CFAP100: variants seen among roughly 807,000 people sequenced by gnomAD.
CFAP100 encodes the protein cilia- and flagella-associated protein 100.
Under a neutral mutation model 81.5 loss-of-function variants are expected in CFAP100, and 70 were observed. The observed-to-expected ratio is 0.86, with a 90% CI of 0.71 to 1.05. The LOEUF (loss-of-function observed/expected upper bound fraction) is 1.05, where lower values mean the gene tolerates loss of function less well. Among genes scored for constraint, CFAP100 ranks in the 50% least tolerant of loss-of-function variants. CFAP100 has a pLI of 0.00. For synonymous variants in CFAP100, 341 were observed against 314.8 expected (o/e 1.08, Z -0.88); for missense variants, 811 against 776.5 (o/e 1.04, Z -0.53).
At chr3:126,404,320 G>A (rs987697633) in intron 2 of CFAP100, among the ~76,000 whole-genome samples, 3 of 152,198 alleles carry the variant, frequency 2.0e-5, no homozygotes, top group Non-Finnish European at 4.4e-5. Flanking sequence ...TTGAGGAGAA[G>A]TACAGGCCAC....
chr3:126,430,001 T>C (rs1330847458), intron 13 of CFAP100, among the ~76,000 whole-genome samples: 1 of 152,226 alleles, frequency 6.6e-6, no homozygotes, highest in Non-Finnish European at 1.5e-5. Context: ...TCTCCTGATC[T>C]GCAAGATTTC....
At chr3:126,413,008 T>C (rs1298378312) in intron 3 of CFAP100, among the ~76,000 whole-genome samples, 1 of 152,256 alleles carries the variant, frequency 6.6e-6, no homozygotes, top group Admixed American at 6.5e-5. Flanking sequence ...CCCATGCGTG[T>C]TCATCACCAG....
At position 126,414,112 on chromosome 3, in the gene CFAP100, C is replaced by A. The variant is rs1049440048; in HGVS notation, c.158C>A (p.Pro53His). Residue 53 changes from proline (P) to histidine (H), a missense_variant, in exon 4 of 17, where the codon CCT (proline) becomes CAT (histidine). By Grantham distance (77) the Pro-to-His change is moderately conservative (BLOSUM62 -2). Coordinates refer to ENST00000352312, the MANE Select transcript of CFAP100 (RefSeq NM_182628.3). ...EEHGPDPSAN[P>H]FHLSGDVDFF... ...CATGGTCCTGACCCTTCAGCGAACCCTTTCCACTTATCTGGGGATGTGGAT... is the reference window on the plus strand; with the variant it reads ...CATGGTCCTGACCCTTCAGCGAACCATTTCCACTTATCTGGGGATGTGGAT... 2 of 1,613,916 alleles carry A rather than the reference C, an allele frequency of 1.2e-6. No individual in the cohort carries two copies. Among genetic ancestry groups the A allele is most frequent in the Non-Finnish European group, 1.7e-6 (2 of 1,179,902 alleles).
At chr3:126,415,587 G>C (rs2083223022) in intron 4 of CFAP100, among the ~76,000 whole-genome samples, 1 of 152,162 alleles carries the variant, frequency 6.6e-6, no homozygotes, top group Admixed American at 6.5e-5. Context: ...CATTTGCCTG[G>C]GTTCTTAGAT....
At chr3:126,396,348 G>A (rs761548074) in intron 2 of CFAP100, 33 of 340,176 alleles carry the variant, frequency 9.7e-5, no homozygotes, top group East Asian at 7.9e-4. Flanking sequence ...AACCCATTCC[G>A]GGCCTCTCTC....
intron 2 of CFAP100, among the ~76,000 whole-genome samples, chr3:126,397,589 C>T (rs915977132): frequency 2.0e-5 from 3 of 152,134 alleles, no homozygotes; most frequent in Admixed American, 6.5e-5. Context: ...GGTAATTCCT[C>T]GAGATTGATT....
intron 3 of CFAP100, among the ~76,000 whole-genome samples, chr3:126,410,526 G>C (rs542670230): frequency 1.3e-5 from 2 of 151,278 alleles, no homozygotes; most frequent in Admixed American, 1.3e-4. Flanking sequence ...TTTTGAAACA[G>C]GGTCTCACTC....
At chr3:126,422,111 A>G (rs2107610532) in intron 11 of CFAP100, among the ~76,000 whole-genome samples, 1 of 152,296 alleles carries the variant, frequency 6.6e-6, no homozygotes, top group South Asian at 2.1e-4. Flanking sequence ...GTTGTGAGCT[A>G]TATAAGGCAC....
intron 3 of CFAP100, among the ~76,000 whole-genome samples, chr3:126,412,337 G>A (rs1036726231): frequency 1.3e-5 from 2 of 152,066 alleles, no homozygotes; most frequent in East Asian, 1.9e-4. Flanking sequence ...CCCCACCTCA[G>A]GATCCTTAGC....
intron 11 of CFAP100, among the ~76,000 whole-genome samples, chr3:126,423,074 G>A (rs2083357579): frequency 2.0e-5 from 3 of 152,328 alleles, no homozygotes; most frequent in East Asian, 1.9e-4. Flanking sequence ...GACAGGTCTG[G>A]AACATGGTTT....
rs1277066670 is a variant in CFAP100 at position 126,434,306 on chromosome 3, T to C, written c.1553T>C (p.Leu518Pro). ...ATTGAGCACCAGCTGGATGAGCTGC[T>C]AGAGAACCTGGAGCACGTGCCCCAG... Reference protein sequence around the residue: ...TIIEHQLDELLENLEHVPQVK... With the variant: ...TIIEHQLDELPENLEHVPQVK... Residue 518 changes from leucine to proline, a missense_variant, in exon 15 of 17, where the codon CTA becomes CCA. Physicochemically the swap from Leu to Pro is moderately conservative, Grantham distance 98. Transcript: ENST00000352312. 2 of 1,613,924 alleles carry C rather than the reference T, an allele frequency of 1.2e-6. No homozygotes were observed. Among genetic ancestry groups the C allele is most frequent in the Non-Finnish European group, 1.7e-6 (2 of 1,180,014 alleles).
rs79396091 is a variant in CFAP100 at position 126,431,101 on chromosome 3, G to C, written c.1287-1968G>C. Among the ~76,000 whole-genome samples, 991 of 152,320 alleles carry C rather than the reference G, an allele frequency of 6.5e-3. 11 individuals are homozygous for C. Among genetic ancestry groups the C allele is most frequent in the African/African-American group, 0.022 (921 of 41,570 alleles). On this transcript the variant is annotated intron_variant, in intron 13 of 16. Transcript: ENST00000352312. ...GAGAAAGCCAGAGAGCTCAGCCAGAGATTCTCCATGTGTTGGCTGGTGGGG... is the reference window on the plus strand; with the variant it reads ...GAGAAAGCCAGAGAGCTCAGCCAGACATTCTCCATGTGTTGGCTGGTGGGG...
intron 11 of CFAP100, among the ~76,000 whole-genome samples, 155 bp downstream of exon 11, chr3:126,420,384 G>A (rs566108417): frequency 3.9e-5 from 6 of 152,384 alleles, no homozygotes; most frequent in African/African-American, 1.4e-4. Flanking sequence ...GTCCCAGGCC[G>A]GCCAGGAGGC....
At chr3:126,423,304 G>C (rs781734447) in intron 11 of CFAP100, 21 bp from the exon 12 acceptor site, 7 of 1,607,562 alleles carry the variant, frequency 4.4e-6, no homozygotes, top group Non-Finnish European at 5.1e-6. Flanking sequence ...CCAGAGTCCC[G>C]ACCCTGCCAT....
At chr3:126,424,375 G>A (rs2107612839) in intron 13 of CFAP100, among the ~76,000 whole-genome samples, 1 of 152,366 alleles carries the variant, frequency 6.6e-6, no homozygotes, top group Non-Finnish European at 1.5e-5. Context: ...AGGGCCTTGG[G>A]AAAATCCTGC....
At chr3:126,434,065 T>C in intron 14 of CFAP100, 111 bp from the exon 15 acceptor site, 1 of 868,146 alleles carries the variant, frequency 1.2e-6, no homozygotes, top group Non-Finnish European at 1.8e-6. Flanking sequence ...TCCCACTGTG[T>C]GCCAAGCGGT....
Position 126,423,659 on chromosome 3 carries a change from G to A in CFAP100, c.1286+15G>A, listed in dbSNP as rs1328032261. ...CAGATCCGCATGTAGGTGCTATGCG[G>A]TGGCCAGTGGGGGCTCCCTGCCGCT... On this transcript the variant is annotated intron_variant, in intron 13 of 16. Coordinates refer to ENST00000352312, the MANE Select transcript of CFAP100 (RefSeq NM_182628.3). 1 of 1,613,850 alleles carries A rather than the reference G, an allele frequency of 6.2e-7. No homozygotes were observed. Among genetic ancestry groups the A allele is most frequent in the African/African-American group, 1.3e-5 (1 of 75,060 alleles).
intron 13 of CFAP100, among the ~76,000 whole-genome samples, chr3:126,432,630 T>TCAGAGTAG (rs1933278109): frequency 1.3e-5 from 2 of 152,200 alleles, no homozygotes; most frequent in South Asian, 4.2e-4. Flanking sequence ...TATGAAGTGT[T>TCAGAGTAG]CAGGGTAGAC....
intron 7 of CFAP100, 31 bp from the exon 8 acceptor site, chr3:126,419,045 C>CCAACCACCA: frequency 8.2e-6 from 7 of 858,118 alleles, no homozygotes; most frequent in Middle Eastern, 3.5e-4. Flanking sequence ...CCCTTGCCCC[C>CCAACCACCA]ATCCCTCCTC....
Sources: allele counts gnomAD v4.1 joint callset (sites outside exome capture counted in the v4.1 genomes callset), GRCh38; gene constraint gnomAD v4.1.1; transcripts MANE v1.5; gene names NCBI Gene and HGNC (gene_info 2026-07-23, HGNC 2026-07-21).